The following KCNAB1 variants were observed in gnomAD, a reference collection of about 807,000 sequenced individuals.
The protein encoded by KCNAB1 is voltage-gated potassium channel subunit beta-1.
In KCNAB1, 35 loss-of-function variants were observed where a neutral mutation model predicts 64.6. The ratio of observed to expected loss-of-function variants is 0.54; its 90% CI spans 0.41 to 0.72. The LOEUF is 0.72. Among genes scored for constraint, KCNAB1 ranks in the 30% least tolerant of loss-of-function variants. The pLI, the probability that KCNAB1 is intolerant of heterozygous loss-of-function variation, is 0.00. For missense variants in KCNAB1, 401 were observed against 512.9 expected, an observed-to-expected ratio of 0.78 and a Z score of 2.11; for synonymous variants, 177 against 183.8, an observed-to-expected ratio of 0.96 and a Z score of 0.30.
Position 156,235,373 on chromosome 3 carries a change from A to G in KCNAB1, c.275+114487A>G, listed in dbSNP as rs573681193. On this transcript the variant is annotated intron_variant, in intron 1 of 13. Coordinates refer to ENST00000490337, the MANE Select transcript of KCNAB1 (RefSeq NM_172160.3). ...TTCTCAAATCTTGCCCTTCATCTTT[A>G]TCTCCTGGCTATAGTCTCATGTTGC... 2.6e-5 allele frequency among the ~76,000 whole-genome samples: 4 copies of G among 152,202 alleles called. No homozygotes were observed. The South Asian group carries it at 8.3e-4, about 32-fold the overall frequency.
chr3:156,414,282 C>T (rs1714899045), intron 1 of KCNAB1, among the ~76,000 whole-genome samples: 1 of 152,174 alleles, frequency 6.6e-6, no homozygotes, highest in Non-Finnish European at 1.5e-5. Flanking sequence ...GCTTTCCCTT[C>T]ATTTTGTGGA....
rs1459100987 is a variant in KCNAB1, at chr3:156,523,858, G to A, written c.992G>A (p.Ser331Asn). The A allele has an allele frequency of 6.2e-7, 1 of 1,613,608 alleles. No homozygotes were observed. Among genetic ancestry groups the A allele is most frequent in the East Asian group, 2.2e-5 (1 of 44,882 alleles). Residue 331 changes from serine (S) to asparagine (N), a missense_variant, in exon 12 of 14, where the codon AGT becomes AAT. Ser to Asn is a conservative substitution (Grantham distance 46). Coordinates refer to ENST00000490337, the MANE Select transcript of KCNAB1 (RefSeq NM_172160.3). ...CAGTGGTTGAAAGAAAGAATTGTAA[G>A]TGAAGAAGGGAGAAAACAGCAAAAC... is the stretch of plus-strand genomic sequence containing the variant. ...CYQWLKERIVSEEGRKQQNKL... is the reference protein window; with the variant it reads ...CYQWLKERIVNEEGRKQQNKL...
chr3:156,119,989 A>T (rs1036112397), upstream of KCNAB1, among the ~76,000 whole-genome samples: 5 of 152,206 alleles, frequency 3.3e-5, no homozygotes, highest in Admixed American at 3.3e-4. Context: ...TGAATCGGTT[A>T]TGAGGGATTA....
chr3:156,170,308 C>T (rs963016346), intron 1 of KCNAB1, among the ~76,000 whole-genome samples: 1 of 150,636 alleles, frequency 6.6e-6, no homozygotes, highest in Non-Finnish European at 1.5e-5. Context: ...ATAGAGAAAG[C>T]AGCAACTGCA....
intron 1 of KCNAB1, among the ~76,000 whole-genome samples, chr3:156,150,372 G>A (rs1374227415): frequency 6.6e-6 from 1 of 152,184 alleles, no homozygotes; most frequent in Non-Finnish European, 1.5e-5. Context: ...ATTGTTGAGA[G>A]GGGCAGATAT....
At chr3:156,427,917 C>G (rs1715928953) in intron 2 of KCNAB1, among the ~76,000 whole-genome samples, 1 of 152,188 alleles carries the variant, frequency 6.6e-6, no homozygotes, top group Admixed American at 6.5e-5. Context: ...CGGTCTGATT[C>G]ATTCCATGGG....
At position 156,381,896 on chromosome 3, in the gene KCNAB1, A is replaced by G. The variant is rs1212155746; in HGVS notation, c.276-39720A>G. Among the ~76,000 whole-genome samples, 3 of 152,214 alleles carry G rather than the reference A, an allele frequency of 2.0e-5. No individual in the cohort carries two copies. The East Asian group carries it at 5.8e-4, about 29-fold the overall frequency. On this transcript the variant is annotated intron_variant, in intron 1 of 13. Transcript: ENST00000490337. ...CATTAGCCTTGCACAGATGCTTAAC[A>G]TTTCATTATATTTACTCTTTTAGCT...
At chr3:156,523,733 A>T in intron 11 of KCNAB1, 94 bp from the exon 12 acceptor site, 1 of 1,238,830 alleles carries the variant, frequency 8.1e-7, no homozygotes. Flanking sequence ...AATTCAGAAA[A>T]TCATTATGAG....
chr3:156,218,446 T>A (rs1212128957), intron 1 of KCNAB1, among the ~76,000 whole-genome samples: 2 of 152,196 alleles, frequency 1.3e-5, no homozygotes, highest in African/African-American at 4.8e-5. Context: ...AATCTCTTGG[T>A]AGCTCTATAG....
chr3:156,141,567 G>A (rs372724005), intron 1 of KCNAB1, among the ~76,000 whole-genome samples: 12 of 151,524 alleles, frequency 7.9e-5, no homozygotes, highest in African/African-American at 2.4e-4. Flanking sequence ...TAAGCCTCTC[G>A]AGATTTATTC....
Position 156,514,462 on chromosome 3 carries a change from C to T in KCNAB1, c.744+13C>T. The T allele has an allele frequency of 6.3e-7, 1 of 1,591,848 alleles. No individual in the cohort carries two copies. The highest frequency in any genetic ancestry group is 8.6e-7 in the Non-Finnish European group (1 of 1,159,890). On this transcript the variant is annotated intron_variant, in intron 9 of 13. Coordinates refer to ENST00000490337, the MANE Select transcript of KCNAB1 (RefSeq NM_172160.3). ...TATGGAGATCATGGTAATTTAACTT[C>T]TATTTTTAAATGGCTATTGAGTACC... is the stretch of plus-strand genomic sequence containing the variant.
intron 1 of KCNAB1, among the ~76,000 whole-genome samples, chr3:156,332,995 A>G (rs1012683167): frequency 4.6e-5 from 7 of 152,176 alleles, no homozygotes; most frequent in Admixed American, 4.6e-4. Context: ...TGGCCTTGCC[A>G]GGTAAAGCCT....
chr3:156,431,196 C>A (rs1374900519), intron 2 of KCNAB1, among the ~76,000 whole-genome samples: 1 of 152,138 alleles, frequency 6.6e-6, no homozygotes, highest in African/African-American at 2.4e-5. Context: ...CCCATAGTTC[C>A]TGTACTCTAA....
intron 1 of KCNAB1, among the ~76,000 whole-genome samples, chr3:156,134,580 C>T (rs928979939): frequency 2.0e-5 from 3 of 152,186 alleles, no homozygotes; most frequent in African/African-American, 7.2e-5. Context: ...GTGATCTCTA[C>T]AAATTCAGTT....
intron 11 of KCNAB1, among the ~76,000 whole-genome samples, chr3:156,518,585 T>C (rs773610379): frequency 2.6e-5 from 4 of 152,118 alleles, no homozygotes; most frequent in Non-Finnish European, 4.4e-5. Flanking sequence ...AATAAGTAAA[T>C]AGTTTGTGTT....
intron 8 of KCNAB1, among the ~76,000 whole-genome samples, chr3:156,491,254 G>A (rs1381351048): frequency 1.3e-5 from 2 of 152,028 alleles, no homozygotes; most frequent in African/African-American, 4.8e-5. Context: ...GAAGGAAAAC[G>A]CCAAGAGGAC....
At chr3:156,238,421 CAA>C (rs745633828) in intron 1 of KCNAB1, among the ~76,000 whole-genome samples, 169 of 71,744 alleles carry the variant, frequency 2.4e-3, no homozygotes, top group African/African-American at 6.5e-3. Flanking sequence ...GACTTGGTCT[CAA>C]AAAAAAAAAA....
intron 1 of KCNAB1, among the ~76,000 whole-genome samples, chr3:156,330,098 C>T (rs9833258): frequency 0.01 from 1,527 of 152,050 alleles, 23 homozygotes; most frequent in African/African-American, 0.035. Context: ...CTTGTTTTTT[C>T]ACAAACTTAA....
intron 1 of KCNAB1, among the ~76,000 whole-genome samples, chr3:156,137,204 C>A (rs553424782): frequency 8.0e-6 from 1 of 125,638 alleles, no homozygotes; most frequent in African/African-American, 3.1e-5. Flanking sequence ...GGTTATAGTG[C>A]GTATGTATCA....
Sources: allele counts gnomAD v4.1 joint callset (sites outside exome capture counted in the v4.1 genomes callset), GRCh38; gene constraint gnomAD v4.1.1; transcripts MANE v1.5; gene names NCBI Gene and HGNC (gene_info 2026-07-23, HGNC 2026-07-21).